Variants in SLCO4C1 observed in about 807,000 individuals in gnomAD.
SLCO4C1 encodes solute carrier organic anion transporter family member 4C1, also known as organic anion transporter M1.
In SLCO4C1, 58 loss-of-function variants were observed where a neutral mutation model predicts 72.1. The ratio of observed to expected loss-of-function variants is 0.80; its 90% CI spans 0.65 to 1.00. The LOEUF is 1.00. SLCO4C1 is among the 50% of genes least tolerant of loss of function. The pLI is 0.00. For missense variants in SLCO4C1, 898 were observed against 857.9 expected, an observed-to-expected ratio of 1.05 and a Z score of -0.58; for synonymous variants, 297 against 312.5, an observed-to-expected ratio of 0.95 and a Z score of 0.52.
chr5:102,262,820 A>G (rs1484479722), intron 4 of SLCO4C1, among the ~76,000 whole-genome samples: 1 of 152,212 alleles, frequency 6.6e-6, no homozygotes, highest in Non-Finnish European at 1.5e-5. Context: ...TCACTAATTC[A>G]AGAGTTCTTC....
chr5:102,240,768 C>G lies in SLCO4C1; in HGVS notation c.1826G>C (p.Arg609Thr). 2 of 1,611,210 alleles carry G rather than the reference C, an allele frequency of 1.2e-6. No homozygotes were observed. The highest frequency in any genetic ancestry group is 1.7e-6 in the Non-Finnish European group (2 of 1,178,184). Reference protein sequence around the residue: ...TVSILRCVNHRQRSLALGIQF... With the variant: ...TVSILRCVNHTQRSLALGIQF... Reference sequence around the variant, plus strand: ...TATTCCCAAGGCTAGGGACCGTTGTCTGTGATTAACACACCTGGAAATATT... The same window carrying G: ...TATTCCCAAGGCTAGGGACCGTTGTGTGTGATTAACACACCTGGAAATATT... The change falls in exon 11 of 13, where the codon AGA becomes ACA. Residue 609 changes from arginine (R) to threonine (T), a missense_variant. By Grantham distance (71) the Arg-to-Thr change is moderately conservative. Transcript: ENST00000310954.
intron 5 of SLCO4C1, 36 bp downstream of exon 5, chr5:102,261,876 A>G: frequency 1.3e-6 from 2 of 1,579,844 alleles, no homozygotes; most frequent in Non-Finnish European, 1.7e-6. Context: ...CTACAATTAA[A>G]ATAAACCTCT....
chr5:102,257,864 C>T (rs1748866956), intron 7 of SLCO4C1, 79 bp downstream of exon 7: 2 of 1,329,748 alleles, frequency 1.5e-6, no homozygotes, highest in Non-Finnish European at 2.1e-6. Flanking sequence ...GGAGGGCTAC[C>T]TCAAATTATA....
Position 102,236,581 on chromosome 5 carries a change from CGTGTGTGT to C in SLCO4C1, c.*269_*276del, listed in dbSNP as rs35918245. 33 of 262,308 alleles carry C rather than the reference CGTGTGTGT, an allele frequency of 1.3e-4. No individual in the cohort carries two copies. The highest frequency in any genetic ancestry group is 6.2e-4 in the South Asian group (13 of 20,916). The allele number at this position is 262,308 out of a possible 1,614,324, so 16.2% of individuals were successfully genotyped here. A position where few individuals can be genotyped will look rare whatever the true frequency, so the allele number is the denominator to read the frequency against. On this transcript the variant is annotated 3_prime_UTR_variant, in exon 13 of 13. Transcript: ENST00000310954. ...AATAGGAAATAAGTGTGTATGTGTG[CGTGTGTGT>C]GTGTGTGTGTGTGTTCGTGTGTGTG... is the stretch of plus-strand genomic sequence containing the variant.
intron 3 of SLCO4C1, among the ~76,000 whole-genome samples, chr5:102,264,542 A>G (rs1457807397): frequency 1.3e-5 from 2 of 152,056 alleles, no homozygotes; most frequent in Non-Finnish European, 2.9e-5. Flanking sequence ...GTTATGTGTC[A>G]ATACATCTAT....
At chr5:102,269,937 T>C (rs2600834) in intron 3 of SLCO4C1, among the ~76,000 whole-genome samples, 120,843 of 151,712 alleles carry the variant, frequency 0.8, 48,504 homozygotes, top group African/African-American at 0.9. Context: ...CAGCAGTGTA[T>C]TCTCCATTTG....
intron 3 of SLCO4C1, among the ~76,000 whole-genome samples, chr5:102,269,805 T>G (rs1294386364): frequency 6.6e-6 from 1 of 152,142 alleles, no homozygotes; most frequent in Non-Finnish European, 1.5e-5. Flanking sequence ...ACCTGCACAG[T>G]TGGAGTAACA....
At chr5:102,269,874 T>C (rs10052394) in intron 3 of SLCO4C1, among the ~76,000 whole-genome samples, 18,082 of 152,024 alleles carry the variant, frequency 0.12, 1,288 homozygotes, top group African/African-American at 0.16. Flanking sequence ...CCTATAGATA[T>C]ATCTATGGTG....
intron 2 of SLCO4C1, among the ~76,000 whole-genome samples, chr5:102,276,555 G>A (rs1252613789): frequency 6.6e-6 from 1 of 152,082 alleles, no homozygotes; most frequent in Non-Finnish European, 1.5e-5. Context: ...AACTAGTCAG[G>A]TATTTTACCG....
In SLCO4C1 at chr5:102,236,837, A is replaced by G. The variant is rs749305462; in HGVS notation, c.*21T>C. ...TCGAGGTAAATTTTCCAGGTGTAAA[A>G]CAGTCTTCTCTTTTCCCATTTCACC... On this transcript the variant is annotated 3_prime_UTR_variant, in exon 13 of 13. Coordinates refer to ENST00000310954, the MANE Select transcript of SLCO4C1 (RefSeq NM_180991.5). 6.2e-7 allele frequency: 1 copy of G among 1,607,770 alleles called. No homozygotes were observed. The highest frequency in any genetic ancestry group is 2.2e-5 in the East Asian group (1 of 44,594).
rs1285336459 is a variant in SLCO4C1 at position 102,236,974 on chromosome 5, T to C, written c.2059A>G (p.Ile687Val). Residue 687 changes from isoleucine (I) to valine (V), a missense_variant, in exon 13 of 13, where the codon ATC (isoleucine) becomes GTC (valine). Transcript: ENST00000310954. ...GATGGAGGTGGTTTATACAAAAAGA[T>C]TGCAAATCCATTGAAGAACATGGTG... ...VITMFFNGFAIFLYKPPPSAT... is the reference protein window; with the variant it reads ...VITMFFNGFAVFLYKPPPSAT... The C allele has an allele frequency of 4.3e-6, 7 of 1,611,294 alleles. No homozygotes were observed. In the Admixed American group the frequency reaches 6.7e-5, roughly 15 times the overall value.
intron 8 of SLCO4C1, 105 bp from the exon 9 acceptor site, chr5:102,249,893 C>G: frequency 2.7e-6 from 3 of 1,122,590 alleles, no homozygotes; most frequent in South Asian, 3.0e-5. Context: ...TTCACTCACT[C>G]AACACATAAT....
chr5:102,240,878 TTAAAG>T, intron 10 of SLCO4C1, 96 bp from the exon 11 acceptor site: 1 of 808,492 alleles, frequency 1.2e-6, no homozygotes, highest in Non-Finnish European at 1.9e-6. Flanking sequence ...CATTCCTATA[TTAAAG>T]TAAATGTTGT....
Position 102,280,570 on chromosome 5 carries a change from A to G in SLCO4C1, c.620-9764T>C, listed in dbSNP as rs186249377. ...ATATCCCAATTAATATACAGGTTGT[A>G]TTAGTTCATTTTCACACTGCTATAA... On this transcript the variant is annotated intron_variant, in intron 2 of 12. Transcript: ENST00000310954. 1.6e-3 allele frequency among the ~76,000 whole-genome samples: 241 copies of G among 152,248 alleles called. 3 individuals carry two copies. Among genetic ancestry groups the G allele is most frequent in the African/African-American group, 5.6e-3 (232 of 41,550 alleles).
chr5:102,274,060 C>T lies in SLCO4C1; in HGVS notation c.620-3254G>A. On this transcript the variant is annotated intron_variant, in intron 2 of 12. Coordinates refer to ENST00000310954, the MANE Select transcript of SLCO4C1 (RefSeq NM_180991.5). ...AATTATTTACATAGCATTTACACGA[C>T]ATTAGCTATTATTTGTAATCTAGAG... 2.0e-5 allele frequency among the ~76,000 whole-genome samples: 3 copies of T among 152,144 alleles called. 1 individual carries two copies. In the South Asian group the frequency reaches 6.2e-4, roughly 32 times the overall value.
intron 3 of SLCO4C1, among the ~76,000 whole-genome samples, chr5:102,265,775 A>T (rs1046095746): frequency 5.3e-5 from 8 of 151,832 alleles, no homozygotes; most frequent in African/African-American, 1.9e-4. Flanking sequence ...TGTGCTCAGG[A>T]TTGTTTTGGC....
In SLCO4C1 at chr5:102,247,413, C is replaced by G. The variant is rs776512955; in HGVS notation, c.1650G>C (p.Arg550Ser). Reference protein sequence around the residue: ...KVYYNCSCIERKTEITSTAET... With the variant: ...KVYYNCSCIESKTEITSTAET... The stretch of plus-strand genomic sequence containing the variant: ...CTGCAGTGGATGTTATTTCTGTTTT[C>G]CTTTCAATACAGGAACAGTTGTAAT... The change falls in exon 10 of 13, where the codon AGG becomes AGC. Residue 550 changes from arginine (R) to serine (S), a missense_variant. Physicochemically the swap from Arg to Ser is moderately radical, Grantham distance 110. Transcript: ENST00000310954. 2 of 1,578,100 alleles carry G rather than the reference C, an allele frequency of 1.3e-6. No individual in the cohort carries two copies. Among genetic ancestry groups the G allele is most frequent in the Non-Finnish European group, 1.7e-6 (2 of 1,154,880 alleles).
rs774726375 is a variant in SLCO4C1 at position 102,263,698 on chromosome 5, A to G, written c.885T>C (p.Val295=). ...TACTGCCTTGCCTTTCTCCCATAGC[A>G]ACATCAATGTATATGGTTAGCAGTT... ...GGQLLTIYID[V]AMGESTDVTE... is the part of the protein sequence containing the mutation. The change falls in exon 4 of 13, where the codon GTT becomes GTC. Residue 295 remains valine, a synonymous_variant. Coordinates refer to ENST00000310954, the MANE Select transcript of SLCO4C1 (RefSeq NM_180991.5). 2 of 1,612,044 alleles carry G rather than the reference A, an allele frequency of 1.2e-6. No individual in the cohort carries two copies. Among genetic ancestry groups the G allele is most frequent in the South Asian group, 2.2e-5 (2 of 90,806 alleles).
chr5:102,286,868 C>A (rs1749462319), intron 2 of SLCO4C1, among the ~76,000 whole-genome samples: 2 of 151,976 alleles, frequency 1.3e-5, no homozygotes, highest in African/African-American at 4.8e-5. Flanking sequence ...TTGTGTTATT[C>A]TCACACCTGT....
Sources: allele counts gnomAD v4.1 joint callset (sites outside exome capture counted in the v4.1 genomes callset), GRCh38; gene constraint gnomAD v4.1.1; transcripts MANE v1.5; gene names NCBI Gene and HGNC (gene_info 2026-07-23, HGNC 2026-07-21).